Variants in CRYL1 observed in about 807,000 individuals in gnomAD.
The protein encoded by CRYL1 is crystallin lambda 1.
CRYL1 carries 29 observed loss-of-function variants against 36.6 expected under a neutral mutation model. The observed-to-expected ratio is 0.79, with a 90% CI of 0.59 to 1.08. The LOEUF is 1.08. Ranked by LOEUF, CRYL1 falls within the 50% of genes least tolerant of loss-of-function variation. The probability of loss-of-function intolerance (pLI) is 0.00; values close to 1 mark genes in which losing one functional copy is unlikely to be tolerated. For synonymous variants in CRYL1, 152 were observed against 151.5 expected (o/e 1.00, Z -0.02); for missense variants, 411 against 407.9 (o/e 1.01, Z -0.06).
chr13:20,524,061 G>C (rs1360559850), intron 1 of CRYL1, among the ~76,000 whole-genome samples: 1 of 152,096 alleles, frequency 6.6e-6, no homozygotes. Flanking sequence ...GACCAACCAG[G>C]GCAAGATGGT....
At chr13:20,505,359 C>CAAAAAAAAAAAAAAAAAAAAAAAAAAAAA (rs61380702) in intron 2 of CRYL1, among the ~76,000 whole-genome samples, 3 of 91,226 alleles carry the variant, frequency 3.3e-5, no homozygotes, top group East Asian at 3.7e-4. Flanking sequence ...TCTATCCCAC[C>CAAAAAAAAAAAAAAAAAAAAAAAAAAAAA]AAAAAAAAAA....
chr13:20,496,420 G>A (rs373299868), intron 2 of CRYL1, among the ~76,000 whole-genome samples: 13 of 152,254 alleles, frequency 8.5e-5, no homozygotes, highest in African/African-American at 2.6e-4. Flanking sequence ...GAAATAAGTC[G>A]ATTTAGGGTA....
In CRYL1 at chr13:20,442,020, T is replaced by C. The variant is rs146171324; in HGVS notation, c.277-2266A>G. On this transcript the variant is annotated intron_variant, in intron 3 of 7. Transcript: ENST00000298248. ...GGGAAAAAGAGCTACAGTAGCTGGCTCATTGTATTGAGTCATTCCTGGATC... is the reference window on the plus strand; with the variant it reads ...GGGAAAAAGAGCTACAGTAGCTGGCCCATTGTATTGAGTCATTCCTGGATC... 8.6e-4 allele frequency among the ~76,000 whole-genome samples: 131 copies of C among 152,340 alleles called. 1 individual carries two copies. Among genetic ancestry groups the C allele is most frequent in the Non-Finnish European group, 4.6e-4 (31 of 68,038 alleles).
intron 2 of CRYL1, among the ~76,000 whole-genome samples, chr13:20,502,950 T>C (rs1001509550): frequency 1.3e-5 from 2 of 152,178 alleles, no homozygotes; most frequent in African/African-American, 2.4e-5. Context: ...TGACTGCTAA[T>C]GTGCATTGGT....
intron 2 of CRYL1, among the ~76,000 whole-genome samples, chr13:20,495,627 C>G (rs1182041056): frequency 2.6e-5 from 4 of 152,114 alleles, no homozygotes; most frequent in Non-Finnish European, 4.4e-5. Context: ...ATCCAGGAAC[C>G]CCACTGCTGT....
chr13:20,517,619 T>C (rs1477033708), intron 1 of CRYL1, among the ~76,000 whole-genome samples: 1 of 149,566 alleles, frequency 6.7e-6, no homozygotes, highest in African/African-American at 2.5e-5. Context: ...AAGTAAATTT[T>C]GCATAGTGAA....
chr13:20,496,092 C>T (rs1310896344), intron 2 of CRYL1, among the ~76,000 whole-genome samples: 3 of 152,208 alleles, frequency 2.0e-5, no homozygotes, highest in African/African-American at 7.2e-5. Context: ...TGACCCACCT[C>T]GCCCGGCCTA....
chr13:20,467,873 C>T (rs769869502), intron 3 of CRYL1, among the ~76,000 whole-genome samples: 49 of 152,282 alleles, frequency 3.2e-4, no homozygotes, highest in Non-Finnish European at 5.3e-4. Context: ...AACCAGGCCA[C>T]GCAGCAGGAG....
At chr13:20,440,864 G>A (rs1260865730) in intron 3 of CRYL1, among the ~76,000 whole-genome samples, 1 of 152,132 alleles carries the variant, frequency 6.6e-6, no homozygotes. Context: ...GATAACGACC[G>A]CTCTGAGATT....
chr13:20,439,127 C>G (rs937033492), intron 4 of CRYL1, among the ~76,000 whole-genome samples: 11 of 152,246 alleles, frequency 7.2e-5, no homozygotes, highest in African/African-American at 1.9e-4. Flanking sequence ...CAAAACCAAC[C>G]CTACTCTGAA....
rs574255999 is a variant in CRYL1, at chr13:20,431,463, C to A, written c.633+639G>T. ...TCCACTCCCAGATCCCGAGACTTCT[C>A]CGCCTCGTCCTGGGGTCCAGCTGAC... On this transcript the variant is annotated intron_variant, in intron 5 of 7. Coordinates refer to ENST00000298248, the MANE Select transcript of CRYL1 (RefSeq NM_015974.3). 2.1e-5 allele frequency: 21 copies of A among 985,444 alleles called. No individual in the cohort carries two copies. In the Admixed American group the frequency reaches 4.9e-4, roughly 23 times the overall value. The allele number at this position is 985,444 out of a possible 1,614,324, so 61.0% of individuals were successfully genotyped here. A position where few individuals can be genotyped will look rare whatever the true frequency, so the allele number is the denominator to read the frequency against.
chr13:20,444,792 C>A (rs1565966277), intron 3 of CRYL1, among the ~76,000 whole-genome samples: 1 of 152,242 alleles, frequency 6.6e-6, no homozygotes, highest in Admixed American at 6.5e-5. Flanking sequence ...TCTCGGCTCA[C>A]TGCAACCTCT....
intron 5 of CRYL1, among the ~76,000 whole-genome samples, chr13:20,419,739 C>A (rs1401027479): frequency 6.6e-6 from 1 of 152,188 alleles, no homozygotes; most frequent in Non-Finnish European, 1.5e-5. Flanking sequence ...TGAGAACTAC[C>A]ACAATGATTC....
Position 20,439,514 on chromosome 13 carries a change from C to CAA in CRYL1, c.438+77_438+78dup, listed in dbSNP as rs56087130. On this transcript the variant is annotated intron_variant, in intron 4 of 7. Coordinates refer to ENST00000298248, the MANE Select transcript of CRYL1 (RefSeq NM_015974.3). ...ACAAGTTATTGACCCCCCTCCCCCGCAAAAAAAAAAAAAAAAGAAAAAAAA... is the reference window on the plus strand; with the variant it reads ...ACAAGTTATTGACCCCCCTCCCCCGCAAAAAAAAAAAAAAAAAAGAAAAAAAA... 1.8e-3 allele frequency: 607 copies of CAA among 331,578 alleles called. 4 individuals are homozygous for CAA. Among genetic ancestry groups the CAA allele is most frequent in the Admixed American group, 5.3e-3 (73 of 13,756 alleles). 20.5% of individuals were successfully genotyped at this position (331,578 alleles called of 1,614,324 possible). A position where few individuals can be genotyped will look rare whatever the true frequency, so the allele number is the denominator to read the frequency against.
intron 2 of CRYL1, among the ~76,000 whole-genome samples, chr13:20,507,073 G>A (rs1365141264): frequency 6.6e-6 from 1 of 152,186 alleles, no homozygotes; most frequent in African/African-American, 2.4e-5. Flanking sequence ...TCTGTGAGAT[G>A]TGCCGTTCAC....
At chr13:20,453,430 A>G (rs1301360344) in intron 3 of CRYL1, among the ~76,000 whole-genome samples, 1 of 151,974 alleles carries the variant, frequency 6.6e-6, no homozygotes, top group East Asian at 1.9e-4. Context: ...ATATATTTGA[A>G]TATTTTGAAA....
At chr13:20,458,559 A>C (rs2032735576) in intron 3 of CRYL1, among the ~76,000 whole-genome samples, 1 of 152,262 alleles carries the variant, frequency 6.6e-6, no homozygotes, top group Non-Finnish European at 1.5e-5. Flanking sequence ...ATTTTATTTA[A>C]CTCATAAACT....
chr13:20,427,306 C>G (rs184325245), intron 5 of CRYL1: 1,188 of 985,348 alleles, frequency 1.2e-3, no homozygotes, highest in Non-Finnish European at 1.3e-3. Context: ...CTGAAGCCAA[C>G]TGGAAGAGAA....
chr13:20,487,674 G>C (rs2033427754), intron 3 of CRYL1, among the ~76,000 whole-genome samples: 1 of 152,068 alleles, frequency 6.6e-6, no homozygotes, highest in African/African-American at 2.4e-5. Flanking sequence ...AGCTACTTGG[G>C]AGGCTGAGGC....
Sources: gnomAD v4.1 joint callset for allele counts (sites outside exome capture counted in the v4.1 genomes callset) on GRCh38, gnomAD v4.1.1 for gene constraint, MANE v1.5 for transcripts, NCBI Gene and HGNC (gene_info 2026-07-23, HGNC 2026-07-21) for gene names.